Variants in PTPRB observed in about 807,000 individuals in gnomAD.
The protein encoded by PTPRB is receptor-type tyrosine-protein phosphatase beta.
Under a neutral mutation model 238.1 loss-of-function variants are expected in PTPRB, and 97 were observed. That is an observed-to-expected ratio of 0.41 (90% CI 0.35 to 0.48). The LOEUF (loss-of-function observed/expected upper bound fraction) is 0.48. PTPRB is among the 20% of genes least tolerant of loss of function. The pLI is 0.30. For synonymous variants in PTPRB, 970 were observed against 995.4 expected, an observed-to-expected ratio of 0.97 and a Z score of 0.48; for missense variants, 2,292 against 2,681.9, an observed-to-expected ratio of 0.85 and a Z score of 3.21.
In PTPRB at chr12:70,609,333, G is replaced by A. The variant is rs1300934942; in HGVS notation, c.715C>T (p.Leu239=). 1 of 1,613,564 alleles carries A rather than the reference G, an allele frequency of 6.2e-7. No homozygotes were observed. Among genetic ancestry groups the A allele is most frequent in the Non-Finnish European group, 8.5e-7 (1 of 1,179,776 alleles). ...AAGTTACATCTCTCTGGCTCCGCCA[G>A]TCCAGTCTGCAAAGGAATCAGACAC... is the stretch of plus-strand genomic sequence containing the variant. The part of the protein sequence containing the change: ...PFSSTTEETG[L]AEPERCNFTL... The change falls in exon 4 of 34, where the codon CTG becomes TTG. Residue 239 remains leucine, a synonymous_variant. Transcript: ENST00000334414.
chr12:70,523,846 G>A (rs574839604), intron 33 of PTPRB, among the ~76,000 whole-genome samples: 2 of 151,076 alleles, frequency 1.3e-5, no homozygotes, highest in African/African-American at 4.9e-5. Flanking sequence ...ACAGAGTCTC[G>A]CTCTTGTTGC....
intron 4 of PTPRB, among the ~76,000 whole-genome samples, chr12:70,601,726 A>G (rs909259184): frequency 6.6e-6 from 1 of 151,946 alleles, no homozygotes; most frequent in Non-Finnish European, 1.5e-5. Context: ...ACGGAAAAGA[A>G]TTGTGCACAA....
intron 14 of PTPRB, 120 bp downstream of exon 14, chr12:70,569,555 A>C (rs1879764771): frequency 1.7e-6 from 2 of 1,200,454 alleles, no homozygotes; most frequent in Non-Finnish European, 1.2e-6. Flanking sequence ...AAACCATTGA[A>C]TTGTACAAAC....
At chr12:70,636,655 A>G (rs940723088) in intron 1 of PTPRB, among the ~76,000 whole-genome samples, 2 of 152,212 alleles carry the variant, frequency 1.3e-5, no homozygotes, top group African/African-American at 2.4e-5. Context: ...GCAGCCAATG[A>G]AAGTATTGAT....
Position 70,594,507 on chromosome 12 carries a change from A to G in PTPRB, c.1476T>C (p.Ala492=), listed in dbSNP as rs34615667. 198,168 of 1,613,872 alleles carry G rather than the reference A, an allele frequency of 0.12. 13,198 individuals carry two copies. Among genetic ancestry groups the G allele is most frequent in the Middle Eastern group, 0.16 (965 of 6,062 alleles). Residue 492 remains alanine (A), a synonymous_variant, in exon 6 of 34, where the codon GCT becomes GCC. Transcript: ENST00000334414. ...TCCACCTGTAGTTTTGCAGCCCTGC[A>G]GCCTCAGTCATAACAGTGAGGTTGT... ...YLYNLTVMTE[A]AGLQNYRWKL...
rs748776634 is a variant in PTPRB, at chr12:70,566,561, A to C, written c.3778T>G (p.Ser1260Ala). ...TENGILLRNT[S>A]EPATTKQHKF... ...TGTTGCTTAGTGGTGGCTGGCTCTG[A>C]TGTGTTGCGCAGAAGGATTCCATTT... Residue 1260 changes from serine to alanine, a missense_variant, in exon 15 of 34, where the codon TCA becomes GCA. By Grantham distance (99) the Ser-to-Ala change is moderately conservative (BLOSUM62 1). Coordinates refer to ENST00000334414, the MANE Select transcript of PTPRB (RefSeq NM_001109754.4). The C allele has an allele frequency of 6.2e-7, 1 of 1,613,920 alleles. No individual in the cohort carries two copies. Among genetic ancestry groups the C allele is most frequent in the East Asian group, 2.2e-5 (1 of 44,866 alleles).
intron 3 of PTPRB, among the ~76,000 whole-genome samples, chr12:70,617,964 G>A (rs75779629): frequency 0.015 from 2,216 of 152,294 alleles, 54 homozygotes; most frequent in African/African-American, 0.049. Context: ...CACATAATAT[G>A]TTGACTCATC....
chr12:70,624,412 C>T (rs1447538729), intron 2 of PTPRB, among the ~76,000 whole-genome samples: 1 of 151,942 alleles, frequency 6.6e-6, no homozygotes, highest in Non-Finnish European at 1.5e-5. Context: ...AATCCTGTGC[C>T]GCTATTACTG....
chr12:70,635,895 C>G lies in PTPRB; in HGVS notation c.227G>C (p.Arg76Pro). The stretch of plus-strand genomic sequence containing the variant: ...CAAGATGGCTGAGCGGGAGGGGCCG[C>G]GGGAAGAGTTGGAGATGGCCAAGCA... ...ALCLAISNSS[R>P]GPSRSAILDR... The change falls in exon 2 of 34, where the codon CGC becomes CCC. Residue 76 changes from arginine to proline, a missense_variant. Physicochemically the swap from Arg to Pro is moderately radical, Grantham distance 103. Around this residue, in one of 4 missense-constraint regions of PTPRB, gnomAD observed 1,205 missense variants for 1,287.8 expected, o/e 0.94. Coordinates refer to ENST00000334414, the MANE Select transcript of PTPRB (RefSeq NM_001109754.4). The G allele has an allele frequency of 6.2e-7, 1 of 1,613,692 alleles. No individual in the cohort carries two copies. The highest frequency in any genetic ancestry group is 8.5e-7 in the Non-Finnish European group (1 of 1,179,816).
rs180866814 is a variant in PTPRB at position 70,592,515 on chromosome 12, G to A, written c.1547C>T (p.Thr516Ile). 105 of 1,613,740 alleles carry A rather than the reference G, an allele frequency of 6.5e-5. No homozygotes were observed. Among genetic ancestry groups the A allele is most frequent in the Non-Finnish European group, 8.6e-5 (102 of 1,179,808 alleles). ...APMEVSNLKVTNDGSLTSLKV... is the reference protein window; with the variant it reads ...APMEVSNLKVINDGSLTSLKV... Reference sequence around the variant, plus strand: ...TAGAGAGGTCAAACTGCCATCATTTGTCACCTTCAGATTTGAGACTTCCAT... The same window carrying A: ...TAGAGAGGTCAAACTGCCATCATTTATCACCTTCAGATTTGAGACTTCCAT... The change falls in exon 7 of 34, where the codon ACA (threonine) becomes ATA (isoleucine). Residue 516 changes from threonine to isoleucine, a missense_variant. Thr to Ile is a moderately conservative substitution (Grantham distance 89). This residue lies in a region of PTPRB where 1,205 missense variants were observed against 1,287.8 expected (regional missense o/e 0.94). Transcript: ENST00000334414.
chr12:70,578,549 A>G (rs1352574573), intron 10 of PTPRB, among the ~76,000 whole-genome samples: 1 of 152,096 alleles, frequency 6.6e-6, no homozygotes, highest in East Asian at 1.9e-4. Context: ...TCTTCAAATA[A>G]TTTCTTGTCC....
intron 10 of PTPRB, 28 bp from the exon 11 acceptor site, chr12:70,576,673 G>A (rs754859232): frequency 3.7e-6 from 1 of 273,404 alleles, no homozygotes. Flanking sequence ...GGGGGGCGGG[G>A]GGGGGGGGGA....
At chr12:70,584,089 A>G (rs1241017816) in intron 9 of PTPRB, among the ~76,000 whole-genome samples, 1 of 152,176 alleles carries the variant, frequency 6.6e-6, no homozygotes, top group East Asian at 1.9e-4. Context: ...CATAAATTTG[A>G]AAGAGAGCCA....
rs1871531408 is a variant in PTPRB at position 70,520,358 on chromosome 12, T to C, written c.*1131A>G. The C allele has an allele frequency of 2.5e-5, 6 of 240,870 alleles. No homozygotes were observed. The highest frequency in any genetic ancestry group is 2.4e-4 in the South Asian group (6 of 24,556). 14.9% of individuals were successfully genotyped at this position (240,870 alleles called of 1,614,324 possible). A position where few individuals can be genotyped will look rare whatever the true frequency, so the allele number is the denominator to read the frequency against. On this transcript the variant is annotated 3_prime_UTR_variant, in exon 34 of 34. Transcript: ENST00000334414. ...CAACTTTGGGTGATTACTTGACATT[T>C]TGACTTCATTGATTTACTAAAAGAA...
intron 3 of PTPRB, among the ~76,000 whole-genome samples, chr12:70,613,576 G>C (rs1884554927): frequency 6.6e-6 from 1 of 152,036 alleles, no homozygotes; most frequent in Admixed American, 6.6e-5. Flanking sequence ...ACCTCACAAG[G>C]AAAAATTATG....
intron 3 of PTPRB, among the ~76,000 whole-genome samples, chr12:70,611,900 G>A (rs1884471359): frequency 6.6e-6 from 1 of 152,150 alleles, no homozygotes; most frequent in Admixed American, 6.5e-5. Context: ...CCTCATCAGT[G>A]GCAGGGGTCC....
chr12:70,544,164 G>C (rs1321185950), intron 22 of PTPRB, among the ~76,000 whole-genome samples: 1 of 151,896 alleles, frequency 6.6e-6, no homozygotes, highest in African/African-American at 2.4e-5. Context: ...TAATACTTTG[G>C]TGTTTTTTTC....
chr12:70,589,252 T>C (rs1233030782), intron 8 of PTPRB, among the ~76,000 whole-genome samples: 1 of 152,196 alleles, frequency 6.6e-6, no homozygotes, highest in Non-Finnish European at 1.5e-5. Context: ...GACATTGTTC[T>C]AAGAAGAACA....
intron 3 of PTPRB, among the ~76,000 whole-genome samples, chr12:70,613,446 T>A (rs1416114611): frequency 1.3e-5 from 2 of 151,988 alleles, no homozygotes; most frequent in African/African-American, 4.8e-5. Flanking sequence ...GCCCTAGAGC[T>A]CTTGTGCCTG....
Sources: allele counts gnomAD v4.1 joint callset (sites outside exome capture counted in the v4.1 genomes callset), GRCh38; gene constraint gnomAD v4.1.1; regional missense constraint gnomAD v4.1.1; transcripts MANE v1.5; gene names NCBI Gene and HGNC (gene_info 2026-07-23, HGNC 2026-07-21).